ZCWPW2: variants seen among roughly 807,000 people sequenced by gnomAD.
ZCWPW2 encodes the protein zinc finger CW-type and PWWP domain containing 2.
Under a neutral mutation model 46.6 loss-of-function variants are expected in ZCWPW2, and 45 were observed. That is an observed-to-expected ratio of 0.96 (90% CI 0.76 to 1.24). The LOEUF is 1.24. ZCWPW2 is among the 50% of genes most tolerant of loss of function. The probability of loss-of-function intolerance (pLI) is 0.00; values close to 1 mark genes in which losing one functional copy is unlikely to be tolerated. For synonymous variants in ZCWPW2, 152 were observed against 137.1 expected (o/e 1.11, Z -0.76); for missense variants, 429 against 403.9 (o/e 1.06, Z -0.53).
At chr3:28,426,285 G>A (rs1228739547) in intron 3 of ZCWPW2, among the ~76,000 whole-genome samples, 1 of 151,612 alleles carries the variant, frequency 6.6e-6, no homozygotes, top group Non-Finnish European at 1.5e-5. Context: ...ATTTGGCTAG[G>A]AAGAGTCTGG....
intron 3 of ZCWPW2, chr3:28,428,269 G>A (rs560184787): frequency 4.6e-5 from 7 of 152,268 alleles, no homozygotes; most frequent in East Asian, 3.9e-4. Flanking sequence ...TTCTTTTAAC[G>A]TATTAGGCTT....
intron 5 of ZCWPW2, among the ~76,000 whole-genome samples, chr3:28,489,286 A>G (rs1335399127): frequency 6.6e-6 from 1 of 152,058 alleles, no homozygotes; most frequent in Admixed American, 6.6e-5. Context: ...TTTCATTATG[A>G]CTTTTATCCT....
chr3:28,502,964 G>C (rs914103717), intron 6 of ZCWPW2, among the ~76,000 whole-genome samples: 1 of 152,032 alleles, frequency 6.6e-6, no homozygotes. Flanking sequence ...TTACTAAAAA[G>C]CAAACCCAAA....
intron 4 of ZCWPW2, among the ~76,000 whole-genome samples, 157 bp downstream of exon 4, chr3:28,435,426 C>G (rs1697440992): frequency 6.6e-6 from 1 of 150,968 alleles, no homozygotes; most frequent in Non-Finnish European, 1.5e-5. Context: ...GTGTTTTTCT[C>G]AAAGAAAGTA....
intron 2 of ZCWPW2, among the ~76,000 whole-genome samples, chr3:28,393,374 A>G (rs569483785): frequency 2.4e-4 from 37 of 152,292 alleles, no homozygotes; most frequent in Non-Finnish European, 4.3e-4. Flanking sequence ...ATGAATTAAT[A>G]TCAATCCTTC....
intron 1 of ZCWPW2, among the ~76,000 whole-genome samples, chr3:28,358,598 A>G (rs1284079546): frequency 6.6e-6 from 1 of 152,180 alleles, no homozygotes; most frequent in East Asian, 1.9e-4. Flanking sequence ...GAATTTTACT[A>G]GAATACATTG....
chr3:28,372,089 T>C (rs1210770528), intron 1 of ZCWPW2, among the ~76,000 whole-genome samples: 1 of 152,016 alleles, frequency 6.6e-6, no homozygotes, highest in African/African-American at 2.4e-5. Context: ...TTTTTGCTTG[T>C]AATAATATGG....
intron 4 of ZCWPW2, among the ~76,000 whole-genome samples, chr3:28,471,305 A>C (rs1163266580): frequency 6.6e-6 from 1 of 152,212 alleles, no homozygotes; most frequent in Non-Finnish European, 1.5e-5. Context: ...ACATCAAAAA[A>C]GAAAACTACA....
intron 1 of ZCWPW2, among the ~76,000 whole-genome samples, chr3:28,364,943 C>G (rs1328887042): frequency 1.3e-5 from 2 of 151,382 alleles, no homozygotes; most frequent in African/African-American, 2.4e-5. Context: ...TTTCATGTGT[C>G]TTTTGGCTGA....
At chr3:28,379,507 G>C (rs1191816569) in intron 1 of ZCWPW2, among the ~76,000 whole-genome samples, 3 of 152,120 alleles carry the variant, frequency 2.0e-5, no homozygotes, top group Non-Finnish European at 2.9e-5. Context: ...GTTTGTCTGT[G>C]TGTTTTTCTG....
intron 2 of ZCWPW2, among the ~76,000 whole-genome samples, chr3:28,412,797 A>G (rs1696455629): frequency 6.6e-6 from 1 of 151,724 alleles, no homozygotes; most frequent in African/African-American, 2.4e-5. Context: ...AGTCACCTCT[A>G]CTCCCCTTTG....
chr3:28,366,842 G>A (rs201307815), intron 1 of ZCWPW2, among the ~76,000 whole-genome samples: 6 of 152,082 alleles, frequency 3.9e-5, no homozygotes, highest in Non-Finnish European at 7.4e-5. Context: ...GTCTATTCAG[G>A]GATTCAACTT....
At chr3:28,438,521 A>G (rs1445355165) in intron 4 of ZCWPW2, among the ~76,000 whole-genome samples, 1 of 152,250 alleles carries the variant, frequency 6.6e-6, no homozygotes, top group East Asian at 1.9e-4. Flanking sequence ...CAATAAAAAG[A>G]TAAACAAAAA....
At chr3:28,402,400 C>A (rs150692519) in intron 2 of ZCWPW2, among the ~76,000 whole-genome samples, 3 of 152,124 alleles carry the variant, frequency 2.0e-5, no homozygotes, top group South Asian at 4.2e-4. Flanking sequence ...CCCGAATAGA[C>A]CAATAGCAAG....
chr3:28,362,068 T>A (rs1704962879), intron 1 of ZCWPW2, among the ~76,000 whole-genome samples: 2 of 152,176 alleles, frequency 1.3e-5, no homozygotes, highest in South Asian at 2.1e-4. Flanking sequence ...GAGATATCTA[T>A]ATTCTCGTGT....
intron 1 of ZCWPW2, among the ~76,000 whole-genome samples, chr3:28,365,920 G>A (rs1427181898): frequency 2.8e-5 from 4 of 141,326 alleles, no homozygotes. Context: ...TTGTGAATGG[G>A]AGTTCACTCA....
intron 6 of ZCWPW2, among the ~76,000 whole-genome samples, chr3:28,495,639 A>G (rs1699965876): frequency 6.6e-6 from 1 of 152,004 alleles, no homozygotes; most frequent in African/African-American, 2.4e-5. Context: ...TGAATCTGAT[A>G]GCATAAAATG....
At chr3:28,388,250 T>C (rs1174062195) in intron 1 of ZCWPW2, among the ~76,000 whole-genome samples, 2 of 152,140 alleles carry the variant, frequency 1.3e-5, no homozygotes, top group Non-Finnish European at 2.9e-5. Context: ...CACAGAAATA[T>C]CCAGAATAAC....
Position 28,413,492 on chromosome 3 carries a change from T to C in ZCWPW2, c.332+92T>C, listed in dbSNP as rs572200804. On this transcript the variant is annotated intron_variant, in intron 3 of 9. Transcript: ENST00000383768. The stretch of plus-strand genomic sequence containing the variant: ...TTTTTGAAGACTAAACATTTTTCTT[T>C]TGTCTACTTGTTTCTTGATTTATCA... 29 of 1,111,452 alleles carry C rather than the reference T, an allele frequency of 2.6e-5. No individual in the cohort carries two copies. The African/African-American group carries it at 3.3e-4, about 13-fold the overall frequency. The allele number at this position is 1,111,452 out of a possible 1,614,324, so 68.8% of individuals were successfully genotyped here.
Sources: gnomAD v4.1 joint callset for allele counts (sites outside exome capture counted in the v4.1 genomes callset) on GRCh38, gnomAD v4.1.1 for gene constraint, MANE v1.5 for transcripts, NCBI Gene and HGNC (gene_info 2026-07-23, HGNC 2026-07-21) for gene names.